ATRN: variants seen among roughly 807,000 people sequenced by gnomAD.
ATRN encodes attractin-2.
A neutral mutation model predicts 178.7 loss-of-function variants in ATRN; 54 were observed. The observed-to-expected ratio is 0.30, with a 90% CI of 0.24 to 0.38. The LOEUF is 0.38. Among genes scored for constraint, ATRN ranks in the 10% least tolerant of loss-of-function variants. The pLI is 1.00. For missense variants in ATRN, 1,443 were observed against 1,815.1 expected (o/e 0.79, Z 3.73); for synonymous variants, 636 against 663.0 (o/e 0.96, Z 0.63).
At chr20:3,542,902 G>C (rs1326913151) in intron 3 of ATRN, among the ~76,000 whole-genome samples, 1 of 151,238 alleles carries the variant, frequency 6.6e-6, no homozygotes, top group African/African-American at 2.4e-5. Context: ...GCCTCCCAAA[G>C]TGTTGGGATT....
intron 3 of ATRN, among the ~76,000 whole-genome samples, chr20:3,544,626 A>T (rs2085672386): frequency 1.3e-5 from 2 of 152,196 alleles, no homozygotes; most frequent in African/African-American, 4.8e-5. Flanking sequence ...TCAGAACCAC[A>T]ATTTAAAAAT....
chr20:3,638,695 A>G lies in ATRN; in HGVS notation c.3943-133A>G. ...GTAATCCCTAATGTTATCTAATATC[A>G]AGTCTAAAAAGTATCATTTTGGACT... On this transcript the variant is annotated intron_variant, in intron 26 of 28. Transcript: ENST00000262919. This position sits in a 1 kb window ranked among gnomAD's most constrained non-coding sequence, Gnocchi z 4.5. 1.5e-6 allele frequency: 1 copy of G among 688,402 alleles called. No individual in the cohort carries two copies. The highest frequency in any genetic ancestry group is 2.5e-4 in the Middle Eastern group (1 of 4,028). The allele number at this position is 688,402 out of a possible 1,614,324, so 42.6% of individuals were successfully genotyped here.
intron 14 of ATRN, among the ~76,000 whole-genome samples, chr20:3,577,831 C>T (rs1034556285): frequency 6.6e-6 from 1 of 152,112 alleles, no homozygotes; most frequent in Non-Finnish European, 1.5e-5. Flanking sequence ...AAGTCTTTGT[C>T]TGTTCTTAAA....
At chr20:3,515,948 A>G (rs1600062748) in intron 1 of ATRN, among the ~76,000 whole-genome samples, 1 of 152,188 alleles carries the variant, frequency 6.6e-6, no homozygotes, top group East Asian at 1.9e-4. Flanking sequence ...AAAAATATAT[A>G]GTTCTCTCCT....
rs554679143 is a variant in ATRN at position 3,488,946 on chromosome 20, A to ATGTT, written c.410+17455_410+17458dup. ...TGTAGATCTCTTTCCAAGATATTTG[A>ATGTT]TGTTTGTTTGTTTGTTTGTTTGTTT... On this transcript the variant is annotated intron_variant, in intron 1 of 28. Transcript: ENST00000262919. 1.5e-3 allele frequency among the ~76,000 whole-genome samples: 229 copies of ATGTT among 151,796 alleles called. No individual in the cohort carries two copies. In the Middle Eastern group the frequency reaches 0.024, roughly 16 times the overall value.
At chr20:3,493,273 C>T (rs2146093318) in intron 1 of ATRN, among the ~76,000 whole-genome samples, 1 of 151,180 alleles carries the variant, frequency 6.6e-6, no homozygotes, top group Non-Finnish European at 1.5e-5. Flanking sequence ...TCCACCTCAG[C>T]CTCCTGAGTA....
At chr20:3,634,587 G>A (rs1279026473) in intron 26 of ATRN, among the ~76,000 whole-genome samples, 198 bp downstream of exon 26, 3 of 152,320 alleles carry the variant, frequency 2.0e-5, no homozygotes, top group South Asian at 2.1e-4. Flanking sequence ...TACATAAAGT[G>A]TAATTAGTTC....
At chr20:3,603,095 G>C (rs908671993) in intron 23 of ATRN, among the ~76,000 whole-genome samples, 1 of 151,102 alleles carries the variant, frequency 6.6e-6, no homozygotes, top group Admixed American at 6.6e-5. Context: ...AATCTTTATC[G>C]GCACTTGAAT....
chr20:3,576,727 ATCTATCTG>A (rs1253843636), intron 13 of ATRN, 124 bp from the exon 14 acceptor site: 7 of 726,686 alleles, frequency 9.6e-6, no homozygotes, highest in Non-Finnish European at 1.6e-5. Flanking sequence ...CTATCTATCT[ATCTATCTG>A]TCTATCTATT....
intron 18 of ATRN, among the ~76,000 whole-genome samples, chr20:3,588,887 CTGAG>C (rs2086395348): frequency 6.6e-6 from 1 of 150,972 alleles, no homozygotes; most frequent in Non-Finnish European, 1.5e-5. Context: ...TTTTCTTTTT[CTGAG>C]TGAGTCAGTT....
At chr20:3,580,679 T>G (rs902446113) in intron 15 of ATRN, among the ~76,000 whole-genome samples, 1 of 152,064 alleles carries the variant, frequency 6.6e-6, no homozygotes, top group Non-Finnish European at 1.5e-5. Flanking sequence ...AGGGAGATGA[T>G]TAAGGGAGTG....
At chr20:3,608,516 G>A (rs1165376393) in intron 24 of ATRN, among the ~76,000 whole-genome samples, 2 of 152,124 alleles carry the variant, frequency 1.3e-5, no homozygotes, top group African/African-American at 4.8e-5. Context: ...CCAGTTGGCC[G>A]TGAATATGTG....
rs748140768 is a variant in ATRN, at chr20:3,596,437, G to C, written c.3469+8G>C. The C allele has an allele frequency of 6.2e-7, 1 of 1,611,312 alleles. No individual in the cohort carries two copies. Among genetic ancestry groups the C allele is most frequent in the Non-Finnish European group, 8.5e-7 (1 of 1,177,650 alleles). ...TCAGAGGAACATGTTATTGTAAGTGGTTTTGCAATTCTTATTTCTAGAAGC... is the reference window on the plus strand; with the variant it reads ...TCAGAGGAACATGTTATTGTAAGTGCTTTTGCAATTCTTATTTCTAGAAGC... On this transcript the variant is annotated splice_region_variant and intron_variant, in intron 21 of 28. Transcript: ENST00000262919.
At chr20:3,622,148 G>A (rs977400069) in intron 24 of ATRN, among the ~76,000 whole-genome samples, 2 of 152,210 alleles carry the variant, frequency 1.3e-5, no homozygotes, top group South Asian at 2.1e-4. Context: ...CCAGAAATCT[G>A]ATAGCTCCAT....
rs3084238 is a variant in ATRN, at chr20:3,485,610, G to GTTTTTTTT, written c.410+14115_410+14122dup. Among the ~76,000 whole-genome samples, 242 of 67,894 alleles carry GTTTTTTTT rather than the reference G, an allele frequency of 3.6e-3. 27 individuals are homozygous for GTTTTTTTT. The highest frequency in any genetic ancestry group is 6.5e-3 in the African/African-American group (117 of 18,116). 44.5% of individuals were successfully genotyped at this position (67,894 alleles called of 152,430 possible). On this transcript the variant is annotated intron_variant, in intron 1 of 28. Transcript: ENST00000262919. ...TGGTTTGCCAATACATTTTTTTGAGGTTTTTTTTTTTTTTTTTTTTTTTTT... is the reference window on the plus strand; with the variant it reads ...TGGTTTGCCAATACATTTTTTTGAGGTTTTTTTTTTTTTTTTTTTTTTTTTTTTTTTTT...
intron 10 of ATRN, among the ~76,000 whole-genome samples, chr20:3,563,961 C>T (rs1376635967): frequency 1.3e-5 from 2 of 152,200 alleles, no homozygotes; most frequent in Non-Finnish European, 1.5e-5. Context: ...AAATCCATCA[C>T]CGCCATCCAT....
intron 25 of ATRN, among the ~76,000 whole-genome samples, chr20:3,630,789 T>C (rs1382729205): frequency 6.6e-6 from 1 of 152,132 alleles, no homozygotes; most frequent in African/African-American, 2.4e-5. Context: ...GGAACTTTGG[T>C]TTTTCTAGAC....
intron 1 of ATRN, among the ~76,000 whole-genome samples, chr20:3,504,227 A>G (rs1481255818): frequency 3.3e-5 from 5 of 152,170 alleles, no homozygotes; most frequent in African/African-American, 1.2e-4. Context: ...TTCTCAGATA[A>G]TGGATACCTA....
At chr20:3,544,790 C>CT (rs2085674610) in intron 3 of ATRN, among the ~76,000 whole-genome samples, 1 of 148,754 alleles carries the variant, frequency 6.7e-6, no homozygotes, top group Admixed American at 6.7e-5. Context: ...GCTCTAGAGT[C>CT]TTAAAGGCAT....
Sources: gnomAD v4.1 joint callset for allele counts (sites outside exome capture counted in the v4.1 genomes callset) on GRCh38, gnomAD v4.1.1 for gene constraint, Gnocchi (gnomAD v3.1) non-coding constraint, MANE v1.5 for transcripts, NCBI Gene and HGNC (gene_info 2026-07-23, HGNC 2026-07-21) for gene names.